The following CACNA2D3 variants were observed in gnomAD, a reference collection of about 807,000 sequenced individuals.
CACNA2D3 encodes voltage-dependent calcium channel subunit alpha-2/delta-3.
A neutral mutation model predicts 160.6 loss-of-function variants in CACNA2D3; 60 were observed. That is an observed-to-expected ratio of 0.37 (90% CI 0.30 to 0.46). The LOEUF is 0.46. Among genes scored for constraint, CACNA2D3 ranks in the 20% least tolerant of loss-of-function variants. CACNA2D3 has a pLI of 1.00. For missense variants in CACNA2D3, 1,205 were observed against 1,365.0 expected (o/e 0.88, Z 1.85); for synonymous variants, 558 against 492.9 (o/e 1.13, Z -1.75).
intron 4 of CACNA2D3, among the ~76,000 whole-genome samples, chr3:54,402,316 C>T (rs1362342929): frequency 6.6e-6 from 1 of 152,028 alleles, no homozygotes; most frequent in African/African-American, 2.4e-5. Flanking sequence ...GGATTAAATT[C>T]TCCAACCAAA....
At chr3:54,972,181 T>A (rs144095681) in intron 29 of CACNA2D3, among the ~76,000 whole-genome samples, 151 of 152,328 alleles carry the variant, frequency 9.9e-4, no homozygotes, top group Non-Finnish European at 1.8e-3. Flanking sequence ...TAGCAACCAT[T>A]GGGATAAACC....
chr3:54,822,916 G>A (rs754455751), intron 14 of CACNA2D3, among the ~76,000 whole-genome samples: 16 of 149,490 alleles, frequency 1.1e-4, no homozygotes, highest in South Asian at 8.5e-4. Context: ...GTGCAATTGC[G>A]CGATCTCGGC....
chr3:54,582,306 T>A (rs1322676714), intron 9 of CACNA2D3, among the ~76,000 whole-genome samples: 1 of 152,166 alleles, frequency 6.6e-6, no homozygotes. Flanking sequence ...TTTTCAAGGA[T>A]AGGAATGCTG....
intron 11 of CACNA2D3, among the ~76,000 whole-genome samples, chr3:54,646,991 AATGTGAGAGTGGCTT>A (rs1441353736): frequency 6.6e-6 from 1 of 152,190 alleles, no homozygotes; most frequent in Non-Finnish European, 1.5e-5. Context: ...GGCAGCCTTG[AATGTGAGAGTGGCTT>A]CCAGCTGACA....
chr3:54,881,880 C>A (rs888094472), intron 21 of CACNA2D3, among the ~76,000 whole-genome samples: 1 of 152,212 alleles, frequency 6.6e-6, no homozygotes, highest in Admixed American at 6.5e-5. Context: ...ATGGATGTTC[C>A]CTGAGACGCC....
chr3:54,291,682 A>G (rs1703209540), intron 2 of CACNA2D3, among the ~76,000 whole-genome samples: 2 of 152,182 alleles, frequency 1.3e-5, no homozygotes, highest in Non-Finnish European at 2.9e-5. Context: ...TTTTGATAAG[A>G]TTTAGTGGTA....
At chr3:54,978,289 T>A (rs1326342482) in intron 29 of CACNA2D3, among the ~76,000 whole-genome samples, 1 of 152,178 alleles carries the variant, frequency 6.6e-6, no homozygotes, top group Non-Finnish European at 1.5e-5. Flanking sequence ...ACCTCTAACA[T>A]TTCCCCCGTC....
chr3:54,202,674 G>A (rs1701200630), intron 2 of CACNA2D3, among the ~76,000 whole-genome samples: 2 of 152,188 alleles, frequency 1.3e-5, no homozygotes, highest in Admixed American at 6.5e-5. Flanking sequence ...TGTATACAAA[G>A]TGAGAGTTCT....
chr3:54,849,955 G>A (rs767164228), intron 17 of CACNA2D3, among the ~76,000 whole-genome samples: 5 of 152,144 alleles, frequency 3.3e-5, no homozygotes, highest in African/African-American at 4.8e-5. Flanking sequence ...ATTTTATCCA[G>A]TATTTTCTTT....
rs117587282 is a variant in CACNA2D3 at position 54,530,540 on chromosome 3, T to C, written c.544+26886T>C. Among the ~76,000 whole-genome samples the C allele has an allele frequency of 2.0e-4, 31 of 152,312 alleles. No individual in the cohort carries two copies. The East Asian group carries it at 6.0e-3, about 29-fold the overall frequency. On this transcript the variant is annotated intron_variant, in intron 5 of 37. Transcript: ENST00000474759. ...ACCAGCCCAGACTTGGCATCACGTA[T>C]CTTCAAAGTAAGATAGGAAAATTGG...
chr3:54,423,953 G>A (rs932309979), intron 4 of CACNA2D3, among the ~76,000 whole-genome samples: 2 of 150,960 alleles, frequency 1.3e-5, no homozygotes, highest in African/African-American at 2.4e-5. Flanking sequence ...GTGCAGTGGC[G>A]TGATCACGGC....
intron 5 of CACNA2D3, among the ~76,000 whole-genome samples, chr3:54,537,695 G>A (rs1372628670): frequency 6.6e-6 from 1 of 152,112 alleles, no homozygotes. Context: ...GGACACTCGG[G>A]CATAGTCAAG....
chr3:54,740,905 T>C (rs1701635635), intron 11 of CACNA2D3, among the ~76,000 whole-genome samples: 1 of 152,220 alleles, frequency 6.6e-6, no homozygotes, highest in Non-Finnish European at 1.5e-5. Flanking sequence ...AACTCCTGAC[T>C]CCTCGACCTG....
At chr3:54,336,940 G>A (rs1486039998) in intron 3 of CACNA2D3, among the ~76,000 whole-genome samples, 1 of 152,178 alleles carries the variant, frequency 6.6e-6, no homozygotes, top group Non-Finnish European at 1.5e-5. Flanking sequence ...GGTGCAAGTG[G>A]GGGAGGGAAT....
chr3:54,401,847 C>A lies in CACNA2D3; in HGVS notation c.381+15073C>A, dbSNP rs1031704709. On this transcript the variant is annotated intron_variant, in intron 4 of 37. Coordinates refer to ENST00000474759, the MANE Select transcript of CACNA2D3 (RefSeq NM_018398.3). ...AATGGTAAAGGTCAAGTCCAGAATA[C>A]TTCATTGTTGATATGATACTCTGTA... is the stretch of plus-strand genomic sequence containing the variant. 2.6e-5 allele frequency among the ~76,000 whole-genome samples: 4 copies of A among 152,114 alleles called. No homozygotes were observed. In the East Asian group the frequency reaches 7.7e-4, roughly 29 times the overall value.
In CACNA2D3 at chr3:54,359,098, C is replaced by T. The variant is rs114309768; in HGVS notation, c.322-27617C>T. Among the ~76,000 whole-genome samples the T allele has an allele frequency of 6.5e-3, 994 of 152,094 alleles. 11 individuals carry two copies. Among genetic ancestry groups the T allele is most frequent in the African/African-American group, 0.023 (949 of 41,486 alleles). On this transcript the variant is annotated intron_variant, in intron 3 of 37. Coordinates refer to ENST00000474759, the MANE Select transcript of CACNA2D3 (RefSeq NM_018398.3). ...ATGGGAGAAATGACCTCTTATTAAA[C>T]GAATGTATTGCACTAGCTTAGAGAA...
intron 5 of CACNA2D3, among the ~76,000 whole-genome samples, chr3:54,538,582 A>C (rs1401810376): frequency 6.6e-6 from 1 of 152,222 alleles, no homozygotes; most frequent in East Asian, 1.9e-4. Flanking sequence ...GCAGAGAGAG[A>C]GAGGATGCCA....
intron 3 of CACNA2D3, among the ~76,000 whole-genome samples, chr3:54,370,426 G>A (rs1338861448): frequency 1.3e-5 from 2 of 152,158 alleles, no homozygotes; most frequent in Non-Finnish European, 2.9e-5. Flanking sequence ...GGGTCGTTGT[G>A]CTAAAGACAC....
chr3:54,969,561 A>G (rs1472567450), intron 28 of CACNA2D3, among the ~76,000 whole-genome samples: 1 of 152,030 alleles, frequency 6.6e-6, no homozygotes, highest in Non-Finnish European at 1.5e-5. Flanking sequence ...TGCCTGCCCC[A>G]CCCCGCTCAG....
Sources: gnomAD v4.1 joint callset for allele counts (sites outside exome capture counted in the v4.1 genomes callset) on GRCh38, gnomAD v4.1.1 for gene constraint, MANE v1.5 for transcripts, NCBI Gene and HGNC (gene_info 2026-07-23, HGNC 2026-07-21) for gene names.